Variants in CIP2A observed in about 807,000 individuals in gnomAD.
CIP2A encodes cellular inhibitor of PP2A, also known as protein CIP2A.
Under a neutral mutation model 110.9 loss-of-function variants are expected in CIP2A, and 103 were observed. The observed-to-expected ratio is 0.93, with a 90% CI of 0.79 to 1.09. The LOEUF (loss-of-function observed/expected upper bound fraction) is 1.09. CIP2A is among the 50% of genes least tolerant of loss of function. The pLI is 0.00. For synonymous variants in CIP2A, 381 were observed against 361.6 expected (o/e 1.05, Z -0.61); for missense variants, 1,088 against 1,038.4 (o/e 1.05, Z -0.66).
chr3:108,559,672 A>C, intron 16 of CIP2A, 85 bp downstream of exon 16: 1 of 635,478 alleles, frequency 1.6e-6, no homozygotes, highest in African/African-American at 1.9e-5. Context: ...TACTTCAATT[A>C]GAGTAACAAA....
chr3:108,586,735 T>A (rs1939052537), intron 1 of CIP2A, among the ~76,000 whole-genome samples: 2 of 152,152 alleles, frequency 1.3e-5, no homozygotes, highest in Non-Finnish European at 2.9e-5. Flanking sequence ...GGAATTCATA[T>A]CTAGGCAGCT....
intron 8 of CIP2A, among the ~76,000 whole-genome samples, chr3:108,573,664 A>C (rs1938472240): frequency 1.3e-5 from 2 of 152,192 alleles, no homozygotes; most frequent in East Asian, 3.9e-4. Flanking sequence ...CTTAAGATCC[A>C]TTTAGATACT....
intron 5 of CIP2A, among the ~76,000 whole-genome samples, chr3:108,580,786 G>T (rs1014754458): frequency 6.6e-6 from 1 of 151,896 alleles, no homozygotes; most frequent in African/African-American, 2.4e-5. Context: ...GTGCCACCAC[G>T]CCTGGCTAAT....
intron 8 of CIP2A, among the ~76,000 whole-genome samples, chr3:108,570,484 C>G (rs574593901): frequency 6.6e-6 from 1 of 152,214 alleles, no homozygotes; most frequent in East Asian, 1.9e-4. Flanking sequence ...AGTGTACTTA[C>G]ACAAACCTAG....
chr3:108,561,332 AT>A (rs1937999502), intron 13 of CIP2A, among the ~76,000 whole-genome samples: 1 of 151,896 alleles, frequency 6.6e-6, no homozygotes, highest in Admixed American at 6.6e-5. Context: ...AAAACAAAAT[AT>A]TTTTTTCACT....
chr3:108,567,520 A>T (rs1938228099), intron 10 of CIP2A, among the ~76,000 whole-genome samples: 1 of 151,838 alleles, frequency 6.6e-6, no homozygotes, highest in Non-Finnish European at 1.5e-5. Context: ...GACTTCCAGC[A>T]ACTCAGAATT....
chr3:108,579,156 TTTTAG>T, intron 7 of CIP2A, 120 bp downstream of exon 7: 1 of 726,244 alleles, frequency 1.4e-6, no homozygotes, highest in Admixed American at 2.7e-5. Flanking sequence ...CATCAAAACA[TTTTAG>T]TCTACTGTGA....
At chr3:108,585,479 C>T (rs187357883) in intron 1 of CIP2A, among the ~76,000 whole-genome samples, 126 of 152,238 alleles carry the variant, frequency 8.3e-4, no homozygotes, top group Non-Finnish European at 1.6e-3. Context: ...CATCTCAGTT[C>T]GGTCGGCCTA....
chr3:108,560,325 A>T (rs1179788982), intron 14 of CIP2A, among the ~76,000 whole-genome samples: 1 of 152,024 alleles, frequency 6.6e-6, no homozygotes, highest in African/African-American at 2.4e-5. Flanking sequence ...GCATGAGCCA[A>T]CACGTCCAGC....
At chr3:108,554,630 A>G in intron 17 of CIP2A, 141 bp from the exon 18 acceptor site, 1 of 528,784 alleles carries the variant, frequency 1.9e-6, no homozygotes, top group East Asian at 3.2e-5. Flanking sequence ...AACAAGCAGG[A>G]CATAAACAGA....
chr3:108,561,692 C>A (rs1470505736), intron 13 of CIP2A, among the ~76,000 whole-genome samples: 1 of 152,050 alleles, frequency 6.6e-6, no homozygotes, highest in Admixed American at 6.6e-5. Flanking sequence ...TAAATACACA[C>A]ACACAAAAAC....
At chr3:108,579,006 TA>T (rs1938772458) in intron 7 of CIP2A, among the ~76,000 whole-genome samples, 3 of 152,284 alleles carry the variant, frequency 2.0e-5, no homozygotes, top group Middle Eastern at 6.8e-3. Context: ...GGTTTTAAAA[TA>T]AATTAGCCAA....
intron 17 of CIP2A, among the ~76,000 whole-genome samples, chr3:108,557,017 G>A (rs984875559): frequency 6.6e-6 from 1 of 152,138 alleles, no homozygotes; most frequent in Non-Finnish European, 1.5e-5. Context: ...GGAAAGACCT[G>A]TATTTTGTTT....
At chr3:108,581,889 A>AT (rs904200392) in intron 4 of CIP2A, among the ~76,000 whole-genome samples, 1 of 151,440 alleles carries the variant, frequency 6.6e-6, no homozygotes, top group Non-Finnish European at 1.5e-5. Context: ...TTGCTTTACA[A>AT]TTTTTTTTTC....
intron 5 of CIP2A, among the ~76,000 whole-genome samples, chr3:108,579,966 C>T (rs1241157959): frequency 6.6e-6 from 1 of 152,082 alleles, no homozygotes; most frequent in Non-Finnish European, 1.5e-5. Flanking sequence ...AGTTTTGTCA[C>T]CTTAGAATAA....
intron 8 of CIP2A, among the ~76,000 whole-genome samples, chr3:108,573,450 TTTA>T (rs1470611338): frequency 6.6e-6 from 1 of 151,958 alleles, no homozygotes; most frequent in Non-Finnish European, 1.5e-5. Flanking sequence ...TAAATTTTTA[TTTA>T]TTTTTATTTT....
In CIP2A at chr3:108,565,350, C is replaced by T. The variant is rs1938145786; in HGVS notation, c.1515+5G>A. The stretch of plus-strand genomic sequence containing the variant: ...AACTTCAATGTTTGAAGAGTTTAAA[C>T]TCACCTGAAGTATTTTGTAGAAGCT... On this transcript the variant is annotated splice_donor_5th_base_variant and intron_variant, in intron 12 of 20. Transcript: ENST00000295746. The T allele has an allele frequency of 6.8e-7, 1 of 1,474,218 alleles. No homozygotes were observed. Among genetic ancestry groups the T allele is most frequent in the East Asian group, 2.3e-5 (1 of 43,710 alleles). 91.3% of individuals were successfully genotyped at this position (1,474,218 alleles called of 1,614,324 possible). A position where few individuals can be genotyped will look rare whatever the true frequency, so the allele number is the denominator to read the frequency against.
intron 16 of CIP2A, among the ~76,000 whole-genome samples, 169 bp from the exon 17 acceptor site, chr3:108,557,583 AC>A (rs1463403733): frequency 6.6e-6 from 1 of 152,128 alleles, no homozygotes; most frequent in Non-Finnish European, 1.5e-5. Context: ...TAAGTTGGAT[AC>A]TGTTATATTT....
chr3:108,559,278 A>C (rs2107319218), intron 16 of CIP2A, among the ~76,000 whole-genome samples: 1 of 152,294 alleles, frequency 6.6e-6, no homozygotes, highest in South Asian at 2.1e-4. Flanking sequence ...TAGAACACTA[A>C]AAACAGAAGA....
Sources: gnomAD v4.1 joint callset for allele counts (sites outside exome capture counted in the v4.1 genomes callset) on GRCh38, gnomAD v4.1.1 for gene constraint, MANE v1.5 for transcripts, NCBI Gene and HGNC (gene_info 2026-07-23, HGNC 2026-07-21) for gene names.